Variants in NR3C2 observed in about 807,000 individuals in gnomAD.
The protein encoded by NR3C2 is nuclear receptor subfamily 3 group C member 2.
Under a neutral mutation model 86.4 loss-of-function variants are expected in NR3C2, and 15 were observed. That is an observed-to-expected ratio of 0.17 (90% CI 0.12 to 0.27). NR3C2 has a LOEUF of 0.27. NR3C2 is among the 10% of genes least tolerant of loss of function. NR3C2 has a pLI of 1.00. For missense variants in NR3C2, 960 were observed against 1,195.6 expected (o/e 0.80, Z 2.91); for synonymous variants, 458 against 450.5 (o/e 1.02, Z -0.21).
intron 2 of NR3C2, among the ~76,000 whole-genome samples, chr4:148,378,041 C>T (rs1185707359): frequency 6.6e-6 from 1 of 152,112 alleles, no homozygotes; most frequent in Non-Finnish European, 1.5e-5. Context: ...CCAGAGGGAC[C>T]TCATCAAATG....
At chr4:148,326,055 A>C (rs943849876) in intron 2 of NR3C2, among the ~76,000 whole-genome samples, 2 of 152,162 alleles carry the variant, frequency 1.3e-5, no homozygotes, top group African/African-American at 4.8e-5. Flanking sequence ...AGCAAGATCA[A>C]TGGACGCAGG....
chr4:148,288,252 A>G (rs1741629637), intron 2 of NR3C2, among the ~76,000 whole-genome samples: 2 of 152,214 alleles, frequency 1.3e-5, no homozygotes, highest in Admixed American at 1.3e-4. Context: ...CTACCTCATA[A>G]GGATCTAATA....
Position 148,080,037 on chromosome 4 carries a change from G to C in NR3C2, c.*1307C>G, listed in dbSNP as rs886059125. On this transcript the variant is annotated 3_prime_UTR_variant, in exon 9 of 9. Coordinates refer to ENST00000358102, the MANE Select transcript of NR3C2 (RefSeq NM_000901.5). ...GAAAAGATGCTCTCTGAGCCATCAA[G>C]TTCCCAGTCTCACTCTCGTAGAGCT... The C allele has an allele frequency of 5.9e-5, 9 of 152,166 alleles. No individual in the cohort carries two copies. The highest frequency in any genetic ancestry group is 1.2e-4 in the African/African-American group (5 of 41,424). 9.4% of individuals were successfully genotyped at this position (152,166 alleles called of 1,614,324 possible). A position where few individuals can be genotyped will look rare whatever the true frequency, so the allele number is the denominator to read the frequency against.
chr4:148,323,219 G>A (rs1743730606), intron 2 of NR3C2, among the ~76,000 whole-genome samples: 1 of 141,202 alleles, frequency 7.1e-6, no homozygotes, highest in African/African-American at 2.7e-5. Flanking sequence ...ACCCACTTGA[G>A]GTGGCAGTCT....
chr4:148,411,060 A>G (rs1309870142), intron 2 of NR3C2, among the ~76,000 whole-genome samples: 2 of 152,134 alleles, frequency 1.3e-5, no homozygotes, highest in East Asian at 1.9e-4. Context: ...TTCCAACTAC[A>G]CATTTTTTAG....
intron 2 of NR3C2, among the ~76,000 whole-genome samples, chr4:148,319,233 T>A (rs1231853493): frequency 1.3e-5 from 2 of 152,180 alleles, no homozygotes; most frequent in Non-Finnish European, 2.9e-5. Flanking sequence ...TCCATTGACC[T>A]ATATCTCTGT....
intron 3 of NR3C2, among the ~76,000 whole-genome samples, chr4:148,213,498 T>C (rs1737382011): frequency 1.3e-5 from 2 of 152,204 alleles, no homozygotes; most frequent in Admixed American, 6.5e-5. Flanking sequence ...TACATATTTA[T>C]AGTATTCTGA....
At position 148,241,322 on chromosome 4, in the gene NR3C2, AAAAAAAAAAAAG is replaced by A. The variant is rs1240621122; in HGVS notation, c.1897+18644_1897+18655del. Among the ~76,000 whole-genome samples, 45 of 147,094 alleles carry A rather than the reference AAAAAAAAAAAAG, an allele frequency of 3.1e-4. 8 individuals carry two copies. Among genetic ancestry groups the A allele is most frequent in the African/African-American group, 5.3e-4 (21 of 39,928 alleles). ...CTCTGTCTCAAAAAAAAAAAAAAAA[AAAAAAAAAAAAG>A]GGGAAAAATAAAATCTAATCTCCCT... is the stretch of plus-strand genomic sequence containing the variant. On this transcript the variant is annotated intron_variant, in intron 3 of 8. Coordinates refer to ENST00000358102, the MANE Select transcript of NR3C2 (RefSeq NM_000901.5).
At chr4:148,304,917 G>A (rs1461169043) in intron 2 of NR3C2, among the ~76,000 whole-genome samples, 1 of 148,956 alleles carries the variant, frequency 6.7e-6, no homozygotes, top group Non-Finnish European at 1.5e-5. Context: ...TTTCCTGAGA[G>A]ATTTCTTTTA....
intron 3 of NR3C2, among the ~76,000 whole-genome samples, chr4:148,202,790 C>A (rs962976158): frequency 1.3e-5 from 2 of 152,132 alleles, no homozygotes; most frequent in Non-Finnish European, 2.9e-5. Flanking sequence ...CCCCCTCATC[C>A]CCCTTCCTCT....
intron 4 of NR3C2, among the ~76,000 whole-genome samples, chr4:148,190,622 T>C (rs1736150845): frequency 6.6e-6 from 1 of 152,224 alleles, no homozygotes; most frequent in Non-Finnish European, 1.5e-5. Flanking sequence ...TCTAGTGCTG[T>C]CAGTGGAGTA....
Position 148,189,896 on chromosome 4 carries a change from G to A in NR3C2, c.2014+4850C>T, listed in dbSNP as rs1335682508. Among the ~76,000 whole-genome samples, 8 of 152,096 alleles carry A rather than the reference G, an allele frequency of 5.3e-5. No homozygotes were observed. The East Asian group carries it at 1.5e-3, about 29-fold the overall frequency. The stretch of plus-strand genomic sequence containing the variant: ...TGTCAGTTTTAATATCTCCTATTTT[G>A]TTCCTTAGTGAGGTTATTTGGATTT... On this transcript the variant is annotated intron_variant, in intron 4 of 8. Transcript: ENST00000358102.
intron 2 of NR3C2, among the ~76,000 whole-genome samples, chr4:148,354,787 C>T (rs1490430823): frequency 1.3e-5 from 2 of 151,904 alleles, no homozygotes; most frequent in African/African-American, 2.4e-5. Flanking sequence ...TATAAAACTG[C>T]TCAACATTCA....
At chr4:148,228,719 GACA>G (rs1738307835) in intron 3 of NR3C2, among the ~76,000 whole-genome samples, 1 of 152,078 alleles carries the variant, frequency 6.6e-6, no homozygotes, top group Non-Finnish European at 1.5e-5. Context: ...TAAAGCAGAA[GACA>G]ACATTTAAAA....
chr4:148,435,584 G>A lies in NR3C2; in HGVS notation c.1277C>T (p.Pro426Leu). ...ATGCTTGGTTGATTCTTGCTTTATT[G>A]GTACTGAGAATGAAGAATCCGAATT... is the stretch of plus-strand genomic sequence containing the variant. The part of the protein sequence containing the change: ...KINSDSSFSV[P>L]IKQESTKHSC... The change falls in exon 2 of 9, where the codon CCA becomes CTA. Residue 426 changes from proline to leucine, a missense_variant. Physicochemically the swap from Pro to Leu is moderately conservative, Grantham distance 98. This residue lies in a region of NR3C2 where 680 missense variants were observed against 719.0 expected (regional missense o/e 0.95). Transcript: ENST00000358102. The A allele has an allele frequency of 6.2e-7, 1 of 1,614,032 alleles. No individual in the cohort carries two copies. Among genetic ancestry groups the A allele is most frequent in the Non-Finnish European group, 8.5e-7 (1 of 1,180,022 alleles).
chr4:148,276,013 T>C (rs1464100387), intron 2 of NR3C2, among the ~76,000 whole-genome samples: 1 of 152,182 alleles, frequency 6.6e-6, no homozygotes, highest in African/African-American at 2.4e-5. Flanking sequence ...CATAGTACTA[T>C]TTAAATATTA....
chr4:148,241,583 C>T lies in NR3C2; in HGVS notation c.1897+18395G>A, dbSNP rs866074234. On this transcript the variant is annotated intron_variant, in intron 3 of 8. Coordinates refer to ENST00000358102, the MANE Select transcript of NR3C2 (RefSeq NM_000901.5). ...TCTCAAGCTCCTTTTCCAACTGGGC[C>T]TCTCCAGACCACACTGACTAACATA... 2.0e-5 allele frequency among the ~76,000 whole-genome samples: 3 copies of T among 152,098 alleles called. No homozygotes were observed. The South Asian group carries it at 6.2e-4, about 31-fold the overall frequency.
chr4:148,307,541 C>T (rs564813345), intron 2 of NR3C2, among the ~76,000 whole-genome samples: 1 of 152,300 alleles, frequency 6.6e-6, no homozygotes, highest in Admixed American at 6.5e-5. Context: ...ATATCTAAAT[C>T]ATGAGAACTT....
At chr4:148,418,789 G>C (rs1336740578) in intron 2 of NR3C2, among the ~76,000 whole-genome samples, 1 of 152,226 alleles carries the variant, frequency 6.6e-6, no homozygotes, top group African/African-American at 2.4e-5. Context: ...AGGACTGTTA[G>C]TGTCACTATT....
Sources: allele counts gnomAD v4.1 joint callset (sites outside exome capture counted in the v4.1 genomes callset), GRCh38; gene constraint gnomAD v4.1.1; regional missense constraint gnomAD v4.1.1; transcripts MANE v1.5; gene names NCBI Gene and HGNC (gene_info 2026-07-23, HGNC 2026-07-21).